Variants in LAMB3 observed in about 807,000 individuals in gnomAD.
LAMB3 encodes the protein laminin subunit beta 3, also known as laminin subunit beta-3.
LAMB3 carries 104 observed loss-of-function variants against 140.3 expected under a neutral mutation model. The ratio of observed to expected loss-of-function variants is 0.74; its 90% CI spans 0.63 to 0.87. The LOEUF (loss-of-function observed/expected upper bound fraction) is 0.87. Among genes scored for constraint, LAMB3 ranks in the 40% least tolerant of loss-of-function variants. The pLI is 0.00. For missense variants in LAMB3, 1,531 were observed against 1,575.2 expected, an observed-to-expected ratio of 0.97 and a Z score of 0.47; for synonymous variants, 592 against 602.9, an observed-to-expected ratio of 0.98 and a Z score of 0.26.
At chr1:209,617,690 A>C (rs1049003901) in intron 20 of LAMB3, 104 bp from the exon 21 acceptor site, 2 of 1,386,886 alleles carry the variant, frequency 1.4e-6, no homozygotes, top group South Asian at 1.2e-5. Context: ...ACCCTCTCCA[A>C]CCAGAACAAA....
At chr1:209,629,525 T>G (rs1666597383) in intron 10 of LAMB3, among the ~76,000 whole-genome samples, 1 of 152,180 alleles carries the variant, frequency 6.6e-6, no homozygotes, top group South Asian at 2.1e-4. Context: ...GCCTAACTCT[T>G]GATTGATTGT....
intron 5 of LAMB3, among the ~76,000 whole-genome samples, 174 bp downstream of exon 5, chr1:209,637,734 C>T (rs1666937192): frequency 6.6e-6 from 1 of 152,132 alleles, no homozygotes; most frequent in African/African-American, 2.4e-5. Context: ...AGACAGGGAG[C>T]CAGGAGGTGC....
At chr1:209,643,032 G>A (rs1254713774) in intron 3 of LAMB3, among the ~76,000 whole-genome samples, 3 of 152,182 alleles carry the variant, frequency 2.0e-5, no homozygotes, top group Admixed American at 2.0e-4. Context: ...AGCCGAAGGA[G>A]GAATTTACCT....
intron 10 of LAMB3, among the ~76,000 whole-genome samples, chr1:209,628,858 C>A (rs1666573929): frequency 6.6e-6 from 1 of 152,202 alleles, no homozygotes; most frequent in African/African-American, 2.4e-5. Context: ...TATGTTGCCT[C>A]ATGTAATCTT....
intron 3 of LAMB3, among the ~76,000 whole-genome samples, chr1:209,641,682 A>C (rs1406393536): frequency 6.6e-6 from 1 of 152,222 alleles, no homozygotes; most frequent in Non-Finnish European, 1.5e-5. Flanking sequence ...TTTGGGAAGA[A>C]ACGGGGCTTC....
chr1:209,643,828 G>A (rs2076492482), intron 3 of LAMB3, among the ~76,000 whole-genome samples: 1 of 151,590 alleles, frequency 6.6e-6, no homozygotes, highest in African/African-American at 2.4e-5. Context: ...AAAAAATCTA[G>A]CTGCCTTCAA....
At position 209,623,543 on chromosome 1, in the gene LAMB3, T is replaced by A. The variant is rs886044492; in HGVS notation, c.2320A>T (p.Met774Leu). The change falls in exon 16 of 23, where the codon ATG becomes TTG. Residue 774 changes from methionine (M) to leucine (L), a missense_variant. Transcript: ENST00000356082. This position sits in a 1 kb window ranked among gnomAD's most constrained non-coding sequence, Gnocchi z 4.2. ...GGTGTCAGGTCAGGCAACGAAGACA[T>A]CTCCAGCCTCAGGGCCACAAGCTTG... ...SPKLVALRLE[M>L]SSLPDLTPTF... The A allele has an allele frequency of 6.2e-7, 1 of 1,614,100 alleles. No individual in the cohort carries two copies. Among genetic ancestry groups the A allele is most frequent in the Non-Finnish European group, 8.5e-7 (1 of 1,180,006 alleles).
At position 209,638,638 on chromosome 1, in the gene LAMB3, T is replaced by G. The variant is rs375522351; in HGVS notation, c.194A>C (p.Lys65Thr). The change falls in exon 4 of 23, where the codon AAA becomes ACA. Residue 65 changes from lysine (K) to threonine (T), a missense_variant. Lys to Thr is a moderately conservative substitution (Grantham distance 78). Coordinates refer to ENST00000356082, the MANE Select transcript of LAMB3 (RefSeq NM_000228.3). ...CTGCCTGGAGTCACACTTGCAGCAT[T>G]TCATCTGCCACTGTGGGAGAGGGAG... is the stretch of plus-strand genomic sequence containing the variant. ...YCTQYGEWQM[K>T]CCKCDSRQPH... The G allele has an allele frequency of 1.7e-5, 27 of 1,609,022 alleles. No individual in the cohort carries two copies. Among genetic ancestry groups the G allele is most frequent in the Non-Finnish European group, 2.3e-5 (27 of 1,175,458 alleles).
intron 22 of LAMB3, among the ~76,000 whole-genome samples, chr1:209,615,973 T>C (rs2076231): frequency 0.73 from 111,033 of 151,914 alleles, 41,836 homozygotes; most frequent in African/African-American, 0.92. Flanking sequence ...TCAGAACATA[T>C]CTTGTTGGGG....
rs1380122063 is a variant in LAMB3, at chr1:209,616,605, T to C, written c.3248A>G (p.Gln1083Arg). The change falls in exon 22 of 23, where the codon CAA becomes CGA. Residue 1083 changes from glutamine to arginine, a missense_variant. Coordinates refer to ENST00000356082, the MANE Select transcript of LAMB3 (RefSeq NM_000228.3). Reference protein sequence around the residue: ...SAQEGFERIKQKYAELKDRLG... With the variant: ...SAQEGFERIKRKYAELKDRLG... ...CCGGTCCTTCAACTCAGCATACTTT[T>C]GTTTTATTCTCTCAAATCCCTGAAA... The C allele has an allele frequency of 6.2e-7, 1 of 1,614,090 alleles. No individual in the cohort carries two copies. The highest frequency in any genetic ancestry group is 2.2e-5 in the East Asian group (1 of 44,896).
rs766883304 is a variant in LAMB3 at position 209,617,604 on chromosome 1, G to A, written c.3052-18C>T. ...TGCTGAACCTTTGTGGAAAGAGGGA[G>A]ATCTGGCCTTTGTGGTGGGTCTCAT... is the stretch of plus-strand genomic sequence containing the variant. On this transcript the variant is annotated intron_variant, in intron 20 of 22. Transcript: ENST00000356082. The A allele has an allele frequency of 6.2e-7, 1 of 1,613,288 alleles. No homozygotes were observed. The highest frequency in any genetic ancestry group is 1.1e-5 in the South Asian group (1 of 91,078).
Position 209,616,606 on chromosome 1 carries a change from G to C in LAMB3, c.3247C>G (p.Gln1083Glu). Residue 1083 changes from glutamine (Q) to glutamate (E), a missense_variant, in exon 22 of 23, where the codon CAA (glutamine) becomes GAA (glutamate). Transcript: ENST00000356082. ...CGGTCCTTCAACTCAGCATACTTTTGTTTTATTCTCTCAAATCCCTGAAAA... is the reference window on the plus strand; with the variant it reads ...CGGTCCTTCAACTCAGCATACTTTTCTTTTATTCTCTCAAATCCCTGAAAA... ...SAQEGFERIK[Q>E]KYAELKDRLG... 1 of 1,614,106 alleles carries C rather than the reference G, an allele frequency of 6.2e-7. No homozygotes were observed. The highest frequency in any genetic ancestry group is 2.2e-5 in the East Asian group (1 of 44,882).
intron 18 of LAMB3, 86 bp downstream of exon 18, chr1:209,622,450 G>T: frequency 6.6e-7 from 1 of 1,510,662 alleles, no homozygotes. Context: ...GACTAGGGAG[G>T]GAGGGCTGGC....
chr1:209,642,164 T>C (rs528700141), intron 3 of LAMB3, among the ~76,000 whole-genome samples: 15 of 152,272 alleles, frequency 9.9e-5, no homozygotes, highest in Admixed American at 2.0e-4. Flanking sequence ...TTTAATTGCA[T>C]GGAGAAATGA....
At chr1:209,646,203 C>T (rs1022196719) in intron 3 of LAMB3, among the ~76,000 whole-genome samples, 4 of 152,246 alleles carry the variant, frequency 2.6e-5, no homozygotes, top group East Asian at 3.9e-4. Flanking sequence ...GAAAGCTTTC[C>T]GGCAAATCCG....
rs762438615 is a variant in LAMB3 at position 209,637,991 on chromosome 1, C to CA, written c.299-11dup. On this transcript the variant is annotated splice_polypyrimidine_tract_variant and intron_variant, in intron 4 of 22. Coordinates refer to ENST00000356082, the MANE Select transcript of LAMB3 (RefSeq NM_000228.3). ...GAGACAGGGTTCACATCTGGAAGGA[C>CA]AAAAAATAGAAACTGTCATCCAGAG... 6.2e-7 allele frequency: 1 copy of CA among 1,609,472 alleles called. No individual in the cohort carries two copies. The highest frequency in any genetic ancestry group is 1.3e-5 in the African/African-American group (1 of 74,950).
intron 3 of LAMB3, among the ~76,000 whole-genome samples, chr1:209,640,167 CCT>C (rs1418394948): frequency 1.3e-5 from 2 of 152,176 alleles, no homozygotes; most frequent in Non-Finnish European, 2.9e-5. Flanking sequence ...TTGGAGGTGC[CCT>C]TGGCATGTCC....
chr1:209,626,605 C>T (rs1666464789), intron 13 of LAMB3, among the ~76,000 whole-genome samples: 2 of 151,996 alleles, frequency 1.3e-5, no homozygotes, highest in South Asian at 2.1e-4. Context: ...CTGGGAAATG[C>T]TCTCTCTCTC....
chr1:209,621,643 C>G (rs1032461649), intron 18 of LAMB3, among the ~76,000 whole-genome samples: 1 of 152,206 alleles, frequency 6.6e-6, no homozygotes, highest in Non-Finnish European at 1.5e-5. Flanking sequence ...TCAGAATAAA[C>G]TTGTGAAATA....
Sources: gnomAD v4.1 joint callset for allele counts (sites outside exome capture counted in the v4.1 genomes callset) on GRCh38, gnomAD v4.1.1 for gene constraint, Gnocchi (gnomAD v3.1) non-coding constraint, MANE v1.5 for transcripts, NCBI Gene and HGNC (gene_info 2026-07-23, HGNC 2026-07-21) for gene names.